Variants in TBC1D5 observed in about 807,000 individuals in gnomAD.
TBC1D5 encodes TBC1 domain family, member 5.
In TBC1D5, 75 loss-of-function variants were observed where a neutral mutation model predicts 100.3. The observed-to-expected ratio is 0.75, with a 90% CI of 0.62 to 0.91. TBC1D5 has a LOEUF of 0.91. Among genes scored for constraint, TBC1D5 ranks in the 40% least tolerant of loss-of-function variants. The probability of loss-of-function intolerance (pLI) is 0.00; values close to 1 mark genes in which losing one functional copy is unlikely to be tolerated. For missense variants in TBC1D5, 910 were observed against 942.4 expected (o/e 0.97, Z 0.45); for synonymous variants, 323 against 325.6 (o/e 0.99, Z 0.09).
intron 17 of TBC1D5, among the ~76,000 whole-genome samples, chr3:17,219,022 G>A (rs2073980651): frequency 6.6e-6 from 1 of 150,946 alleles, no homozygotes; most frequent in African/African-American, 2.4e-5. Flanking sequence ...CTCTCCTTCT[G>A]AGGCTCTCAC....
chr3:17,524,627 G>A (rs1341526477), intron 2 of TBC1D5: 1 of 152,142 alleles, frequency 6.6e-6, no homozygotes, highest in Non-Finnish European at 1.5e-5. Context: ...GGAAGGCCAA[G>A]CCTGGGAGAT....
chr3:17,493,517 G>A (rs2095664878), intron 3 of TBC1D5, among the ~76,000 whole-genome samples: 1 of 152,132 alleles, frequency 6.6e-6, no homozygotes. Flanking sequence ...CCTGAAGTAT[G>A]TTTTCCAACT....
intron 20 of TBC1D5, 41 bp from the exon 22 acceptor site, chr3:17,166,969 G>GA (rs1491390324): frequency 5.8e-6 from 9 of 1,554,076 alleles, no homozygotes; most frequent in Non-Finnish European, 7.8e-6. Flanking sequence ...AAAAATGGAT[G>GA]AGTTTGTTTT....
chr3:17,390,180 G>A (rs1321221412), intron 8 of TBC1D5, among the ~76,000 whole-genome samples: 3 of 152,034 alleles, frequency 2.0e-5, no homozygotes, highest in Non-Finnish European at 2.9e-5. Flanking sequence ...TGCAGTGTGT[G>A]GAAGTGAACT....
At chr3:17,618,115 C>A (rs2062337403) in intron 2 of TBC1D5, among the ~76,000 whole-genome samples, 2 of 151,402 alleles carry the variant, frequency 1.3e-5, no homozygotes, top group African/African-American at 4.9e-5. Flanking sequence ...GGTGTTGATG[C>A]TATTCCTTTC....
chr3:17,240,935 A>G (rs980949723), intron 16 of TBC1D5, among the ~76,000 whole-genome samples: 1 of 152,190 alleles, frequency 6.6e-6, no homozygotes, highest in Non-Finnish European at 1.5e-5. Context: ...AAACATATAG[A>G]TCAAGTTTAT....
chr3:17,732,248 G>A (rs975286050), intron 1 of TBC1D5, among the ~76,000 whole-genome samples: 2 of 150,956 alleles, frequency 1.3e-5, no homozygotes, highest in South Asian at 2.1e-4. Flanking sequence ...AACCTATGAG[G>A]CAGAGATTGC....
chr3:17,708,160 G>C (rs1023774908), intron 1 of TBC1D5, among the ~76,000 whole-genome samples: 1 of 152,010 alleles, frequency 6.6e-6, no homozygotes, highest in African/African-American at 2.4e-5. Context: ...TTTCCACATT[G>C]TCAGTTACAT....
chr3:17,470,735 C>T (rs1029123979), intron 3 of TBC1D5, among the ~76,000 whole-genome samples: 8 of 151,934 alleles, frequency 5.3e-5, no homozygotes, highest in African/African-American at 7.3e-5. Context: ...TCCTGGCCAA[C>T]GTGATGAAAC....
intron 15 of TBC1D5, among the ~76,000 whole-genome samples, chr3:17,278,383 G>A (rs774748911): frequency 1.3e-5 from 2 of 152,116 alleles, no homozygotes; most frequent in African/African-American, 4.8e-5. Context: ...CTGGCACCTC[G>A]ATATGTGTAT....
intron 3 of TBC1D5, among the ~76,000 whole-genome samples, chr3:17,432,126 T>C (rs1165929410): frequency 6.6e-6 from 1 of 152,080 alleles, no homozygotes; most frequent in Non-Finnish European, 1.5e-5. Context: ...CTGAAAAGTA[T>C]TACATAATAA....
At chr3:17,249,797 A>C (rs2077036952) in intron 16 of TBC1D5, among the ~76,000 whole-genome samples, 1 of 148,528 alleles carries the variant, frequency 6.7e-6, no homozygotes, top group East Asian at 1.9e-4. Context: ...AAAGATGAGG[A>C]AAGAACCAGT....
intron 2 of TBC1D5, among the ~76,000 whole-genome samples, chr3:17,591,481 G>C (rs1370817063): frequency 3.3e-5 from 5 of 152,058 alleles, no homozygotes; most frequent in Admixed American, 3.3e-4. Context: ...AAAGAGAAAT[G>C]ATCAGACATT....
chr3:17,561,479 A>T (rs762677182), intron 2 of TBC1D5, among the ~76,000 whole-genome samples: 25 of 152,192 alleles, frequency 1.6e-4, no homozygotes, highest in Non-Finnish European at 2.9e-4. Context: ...CAGACAGAGA[A>T]GCAAACAAGC....
intron 3 of TBC1D5, among the ~76,000 whole-genome samples, chr3:17,429,276 T>C (rs2094403783): frequency 1.3e-5 from 2 of 151,900 alleles, no homozygotes; most frequent in Non-Finnish European, 2.9e-5. Flanking sequence ...GAAAAAATGC[T>C]TACCAATGCC....
intron 2 of TBC1D5, among the ~76,000 whole-genome samples, chr3:17,538,241 C>T (rs1369747751): frequency 1.8e-4 from 28 of 151,994 alleles, no homozygotes; most frequent in Non-Finnish European, 4.1e-4. Flanking sequence ...TCACAGCCAG[C>T]GCCAGGAAAA....
At chr3:17,245,163 T>G (rs909191577) in intron 16 of TBC1D5, among the ~76,000 whole-genome samples, 2 of 152,066 alleles carry the variant, frequency 1.3e-5, no homozygotes, top group African/African-American at 2.4e-5. Flanking sequence ...AGTGCGTTCC[T>G]GTCTAGGCAA....
intron 4 of TBC1D5, among the ~76,000 whole-genome samples, chr3:17,426,087 G>A (rs905863165): frequency 1.3e-4 from 19 of 151,964 alleles, no homozygotes; most frequent in Non-Finnish European, 1.5e-5. Context: ...TTTCAGAGGC[G>A]GTTTAAATAA....
chr3:17,619,651 G>A (rs888070678), intron 2 of TBC1D5, among the ~76,000 whole-genome samples: 11 of 152,118 alleles, frequency 7.2e-5, no homozygotes, highest in African/African-American at 2.7e-4. Context: ...AAAAGTGCAG[G>A]GAGCAGGAGA....
Sources: gnomAD v4.1 joint callset for allele counts (sites outside exome capture counted in the v4.1 genomes callset) on GRCh38, gnomAD v4.1.1 for gene constraint, MANE v1.5 for transcripts, NCBI Gene and HGNC (gene_info 2026-07-23, HGNC 2026-07-21) for gene names.